Variants in PCDHA6 observed in about 807,000 individuals in gnomAD.
PCDHA6 encodes the protein protocadherin alpha 6.
A neutral mutation model predicts 60.3 loss-of-function variants in PCDHA6; 55 were observed. That is an observed-to-expected ratio of 0.91 (90% confidence interval 0.73 to 1.14). The LOEUF (loss-of-function observed/expected upper bound fraction) is 1.14. Ranked by LOEUF, PCDHA6 falls within the 50% of genes most tolerant of loss-of-function variation. The probability of loss-of-function intolerance (pLI) is 0.00; values close to 1 mark genes in which losing one functional copy is unlikely to be tolerated. For synonymous variants in PCDHA6, 652 were observed against 557.9 expected (o/e 1.17, Z -2.38); for missense variants, 1,327 against 1,256.5 (o/e 1.06, Z -0.85).
At chr5:140,932,728 T>C (rs2088582843) in intron 1 of PCDHA6, among the ~76,000 whole-genome samples, 1 of 151,886 alleles carries the variant, frequency 6.6e-6, no homozygotes, top group African/African-American at 2.4e-5. Context: ...TTGTATAATA[T>C]AGACCCTCAA....
At chr5:140,902,403 T>G (rs1554190429) in intron 1 of PCDHA6, among the ~76,000 whole-genome samples, 1 of 152,102 alleles carries the variant, frequency 6.6e-6, no homozygotes, top group African/African-American at 2.4e-5. Flanking sequence ...TTGAATACTA[T>G]GTTGAATAAC....
intron 1 of PCDHA6, chr5:140,854,248 G>A (rs781986027): frequency 3.2e-6 from 2 of 634,534 alleles, no homozygotes; most frequent in Non-Finnish European, 3.9e-6. Context: ...GTTATCACTT[G>A]GTATAAAATG....
intron 1 of PCDHA6, among the ~76,000 whole-genome samples, chr5:140,922,186 G>A (rs2080700999): frequency 6.6e-6 from 1 of 151,230 alleles, no homozygotes; most frequent in South Asian, 2.1e-4. Context: ...CAAAAAAAAA[G>A]TCTTATCTTT....
At chr5:140,930,962 T>A (rs1193722929) in intron 1 of PCDHA6, among the ~76,000 whole-genome samples, 2 of 152,184 alleles carry the variant, frequency 1.3e-5, no homozygotes, top group African/African-American at 4.8e-5. Flanking sequence ...AAATGTACTG[T>A]TTCAATGATT....
At chr5:141,002,797 G>A (rs1025670333) in intron 3 of PCDHA6, among the ~76,000 whole-genome samples, 2 of 152,190 alleles carry the variant, frequency 1.3e-5, no homozygotes, top group African/African-American at 4.8e-5. Context: ...TATGGATGAG[G>A]AAACTGAGGC....
chr5:140,929,118 A>T, intron 1 of PCDHA6: 2 of 1,614,150 alleles, frequency 1.2e-6, no homozygotes, highest in Non-Finnish European at 1.7e-6. Context: ...CAGCCACCAT[A>T]GATGTCACTA....
intron 1 of PCDHA6, chr5:140,877,291 C>T (rs527823173): frequency 6.2e-7 from 1 of 1,613,932 alleles, no homozygotes; most frequent in Non-Finnish European, 8.5e-7. Context: ...TAACGCTTGG[C>T]TGTCCTACGA....
intron 1 of PCDHA6, chr5:140,881,486 T>G: frequency 2.8e-6 from 1 of 355,652 alleles, no homozygotes; most frequent in African/African-American, 2.2e-5. Flanking sequence ...ATTATTGTGT[T>G]TATGCACATA....
intron 1 of PCDHA6, among the ~76,000 whole-genome samples, chr5:140,940,219 T>C (rs1554213221): frequency 6.6e-6 from 1 of 152,180 alleles, no homozygotes; most frequent in Non-Finnish European, 1.5e-5. Context: ...TTGGCATTTA[T>C]TTCATTTTGG....
At chr5:140,943,237 C>T (rs1364015851) in intron 1 of PCDHA6, among the ~76,000 whole-genome samples, 1 of 121,190 alleles carries the variant, frequency 8.3e-6, no homozygotes, top group African/African-American at 3.3e-5. Flanking sequence ...CAGCCTGGGT[C>T]ACAGAGTGAG....
intron 1 of PCDHA6, chr5:140,860,177 G>A (rs1218765460): frequency 6.7e-6 from 1 of 148,372 alleles, no homozygotes; most frequent in Admixed American, 6.7e-5. Flanking sequence ...ATATATATAT[G>A]ATGGGCTCTC....
chr5:140,907,479 G>A (rs782466276), intron 1 of PCDHA6, among the ~76,000 whole-genome samples: 1 of 152,216 alleles, frequency 6.6e-6, no homozygotes, highest in Non-Finnish European at 1.5e-5. Context: ...TGCAGGATAG[G>A]CAAACCCATA....
At chr5:140,961,479 C>G (rs2095615905) in intron 1 of PCDHA6, among the ~76,000 whole-genome samples, 1 of 152,108 alleles carries the variant, frequency 6.6e-6, no homozygotes, top group Non-Finnish European at 1.5e-5. Context: ...TTTGTCTTGT[C>G]CACGTGAGTA....
At position 140,868,885 on chromosome 5, in the gene PCDHA6, T is replaced by C. The variant is rs559907492; in HGVS notation, c.2394+38400T>C. 56 of 733,832 alleles carry C rather than the reference T, an allele frequency of 7.6e-5. 1 individual carries two copies. The highest frequency in any genetic ancestry group is 1.1e-4 in the Non-Finnish European group (52 of 469,948). The allele number at this position is 733,832 out of a possible 1,614,324, so 45.5% of individuals were successfully genotyped here. A position where few individuals can be genotyped will look rare whatever the true frequency, so the allele number is the denominator to read the frequency against. On this transcript the variant is annotated intron_variant, in intron 1 of 3. Transcript: ENST00000529310. ...ATGCAGTGCACAGTACTCACAGTTTTAGGCGCAAGGTGTCGCTCTTTACTT... is the reference window on the plus strand; with the variant it reads ...ATGCAGTGCACAGTACTCACAGTTTCAGGCGCAAGGTGTCGCTCTTTACTT...
At chr5:140,994,785 A>G (rs942763350) in intron 3 of PCDHA6, among the ~76,000 whole-genome samples, 2 of 152,168 alleles carry the variant, frequency 1.3e-5, no homozygotes, top group African/African-American at 4.8e-5. Flanking sequence ...AAAGGAAACA[A>G]TGCGTGCATG....
intron 3 of PCDHA6, chr5:140,989,000 GAGACTTATTAT>G (rs2097324899): frequency 6.6e-6 from 1 of 152,202 alleles, no homozygotes; most frequent in Non-Finnish European, 1.5e-5. Flanking sequence ...TAAGGAAATA[GAGACTTATTAT>G]AGTTTCTTCA....
Position 140,851,965 on chromosome 5 carries a change from A to G in PCDHA6, c.2394+21480A>G, listed in dbSNP as rs564952826. On this transcript the variant is annotated intron_variant, in intron 1 of 3. Transcript: ENST00000529310. Reference sequence around the variant, plus strand: ...GTGACTTTCAAAATGGTGGTTTTCCACACTCTACCTTTAGTGCAAGCTATT... The same window carrying G: ...GTGACTTTCAAAATGGTGGTTTTCCGCACTCTACCTTTAGTGCAAGCTATT... 95 of 976,702 alleles carry G rather than the reference A, an allele frequency of 9.7e-5. 6 individuals are homozygous for G. The highest frequency in any genetic ancestry group is 1.2e-4 in the Non-Finnish European group (95 of 809,234). 60.5% of individuals were successfully genotyped at this position (976,702 alleles called of 1,614,324 possible).
intron 3 of PCDHA6, among the ~76,000 whole-genome samples, chr5:140,984,073 G>A (rs1294401230): frequency 4.6e-5 from 7 of 152,222 alleles, no homozygotes; most frequent in Non-Finnish European, 7.3e-5. Context: ...CAGTGCCAAC[G>A]ATGGAGTGAA....
At position 140,876,399 on chromosome 5, in the gene PCDHA6, T is replaced by C. The variant is rs141337647; in HGVS notation, c.2394+45914T>C. The C allele has an allele frequency of 1.9e-4, 306 of 1,613,906 alleles. 1 individual carries two copies. In the African/African-American group the frequency reaches 3.4e-3, roughly 18 times the overall value. On this transcript the variant is annotated intron_variant, in intron 1 of 3. Transcript: ENST00000529310. Reference sequence around the variant, plus strand: ...AAATTAGAATTTATGGTGAACTGGATTTTGAAGAGAATAATGCCTATGAAA... The same window carrying C: ...AAATTAGAATTTATGGTGAACTGGACTTTGAAGAGAATAATGCCTATGAAA...
Sources: allele counts gnomAD v4.1 joint callset (sites outside exome capture counted in the v4.1 genomes callset), GRCh38; gene constraint gnomAD v4.1.1; transcripts MANE v1.5; gene names NCBI Gene and HGNC (gene_info 2026-07-23, HGNC 2026-07-21).